STARD9: variants seen among roughly 807,000 people sequenced by gnomAD.
The protein encoded by STARD9 is StAR related lipid transfer domain containing 9.
STARD9 carries 346 observed loss-of-function variants against 399.8 expected under a neutral mutation model. The ratio of observed to expected loss-of-function variants is 0.87; its 90% confidence interval spans 0.79 to 0.95. The LOEUF is 0.95. Ranked by LOEUF, STARD9 falls within the 40% of genes least tolerant of loss-of-function variation. The probability of loss-of-function intolerance (pLI) is 0.00; values close to 1 mark genes in which losing one functional copy is unlikely to be tolerated. For synonymous variants in STARD9, 2,203 were observed against 2,143.5 expected, an observed-to-expected ratio of 1.03 and a Z score of -0.77; for missense variants, 5,832 against 5,667.5, an observed-to-expected ratio of 1.03 and a Z score of -0.93.
At chr15:42,680,930 C>T (rs2060414658) in intron 20 of STARD9, among the ~76,000 whole-genome samples, 1 of 152,154 alleles carries the variant, frequency 6.6e-6, no homozygotes, top group Admixed American at 6.5e-5. Flanking sequence ...CTGCCTTTTG[C>T]TACCAGATCA....
rs2060619502 is a variant in STARD9, at chr15:42,688,719, C to G, written c.7141C>G (p.Gln2381Glu). 6.5e-7 allele frequency: 1 copy of G among 1,537,628 alleles called. No individual in the cohort carries two copies. Among genetic ancestry groups the G allele is most frequent in the Non-Finnish European group, 8.7e-7 (1 of 1,147,038 alleles). The change falls in exon 23 of 33, where the codon CAG becomes GAG. Residue 2381 changes from glutamine to glutamate, a missense_variant. Physicochemically the swap from Gln to Glu is conservative, Grantham distance 29. Around this residue, in one of 2 missense-constraint regions of STARD9, gnomAD observed 5,828 missense variants for 5,651.1 expected, o/e 1.03. Coordinates refer to ENST00000290607, the MANE Select transcript of STARD9 (RefSeq NM_020759.3). ...TCCCTTGGTAACTGGAGTAGAGCAT[C>G]AGGACCAGAGTACGGAGACCAGAAG... Reference protein sequence around the residue: ...NSPLVTGVEHQDQSTETRSHS... With the variant: ...NSPLVTGVEHEDQSTETRSHS...
rs116814420 is a variant in STARD9 at position 42,702,622 on chromosome 15, G to A, written c.13284+6742G>A. 5.7e-3 allele frequency among the ~76,000 whole-genome samples: 869 copies of A among 152,304 alleles called. 11 individuals are homozygous for A. The highest frequency in any genetic ancestry group is 0.02 in the African/African-American group (823 of 41,558). On this transcript the variant is annotated intron_variant, in intron 26 of 32. Transcript: ENST00000290607. ...TTTGTCTGTGTACTTAGTTTTACCA[G>A]TGAGTTTTATACCTTCAGATGTTTG...
chr15:42,601,961 C>T (rs769391315), intron 3 of STARD9, among the ~76,000 whole-genome samples: 3 of 152,216 alleles, frequency 2.0e-5, no homozygotes, highest in Non-Finnish European at 4.4e-5. Flanking sequence ...ATTCTCCTGC[C>T]TCAGCCTTCT....
chr15:42,664,832 C>T (rs1279988425), intron 13 of STARD9, among the ~76,000 whole-genome samples: 3 of 150,574 alleles, frequency 2.0e-5, no homozygotes, highest in South Asian at 2.1e-4. Context: ...ACACCCCATA[C>T]GTACACTGTT....
At chr15:42,634,439 A>G (rs1344698725) in intron 3 of STARD9, among the ~76,000 whole-genome samples, 5 of 152,216 alleles carry the variant, frequency 3.3e-5, no homozygotes, top group African/African-American at 4.8e-5. Context: ...GATCTTCAGT[A>G]TGGTATCCTA....
intron 9 of STARD9, 30 bp from the exon 10 acceptor site, chr15:42,661,128 A>G: frequency 1.3e-6 from 2 of 1,492,294 alleles, no homozygotes. Flanking sequence ...ATCGTTCCAA[A>G]TGACAGGCTT....
At chr15:42,620,307 T>TATGTC (rs1491175337) in intron 3 of STARD9, among the ~76,000 whole-genome samples, 1 of 151,678 alleles carries the variant, frequency 6.6e-6, no homozygotes, top group Non-Finnish European at 1.5e-5. Flanking sequence ...TTTCCGAGAC[T>TATGTC]ATGTCTCTAC....
chr15:42,640,736 G>A (rs1308418208), intron 7 of STARD9, among the ~76,000 whole-genome samples: 2 of 141,406 alleles, frequency 1.4e-5, no homozygotes, highest in African/African-American at 2.6e-5. Context: ...CGGGAGAATC[G>A]CTTGAACCTG....
chr15:42,660,890 C>T (rs2059981250), intron 9 of STARD9, among the ~76,000 whole-genome samples: 1 of 151,508 alleles, frequency 6.6e-6, no homozygotes, highest in African/African-American at 2.4e-5. Flanking sequence ...AAGTTGTGCT[C>T]AGCAAACTTC....
intron 7 of STARD9, among the ~76,000 whole-genome samples, chr15:42,648,086 C>G (rs540052770): frequency 1.3e-5 from 2 of 152,286 alleles, no homozygotes; most frequent in Admixed American, 6.5e-5. Context: ...TACCTTTTAT[C>G]TCTGAGTGCC....
At chr15:42,657,137 G>A (rs1271961698) in intron 9 of STARD9, among the ~76,000 whole-genome samples, 3 of 151,994 alleles carry the variant, frequency 2.0e-5, no homozygotes, top group South Asian at 2.1e-4. Flanking sequence ...TGGATGGATC[G>A]CCTGACGTTA....
At chr15:42,595,572 A>G (rs2058485853) in intron 3 of STARD9, among the ~76,000 whole-genome samples, 1 of 152,218 alleles carries the variant, frequency 6.6e-6, no homozygotes, top group African/African-American at 2.4e-5. Flanking sequence ...TGCCTAAGTT[A>G]AAGAACCACA....
rs937739180 is a variant in STARD9, at chr15:42,687,806, C to T, written c.6228C>T (p.His2076=). The T allele has an allele frequency of 6.5e-7, 1 of 1,537,352 alleles. No homozygotes were observed. The highest frequency in any genetic ancestry group is 8.7e-7 in the Non-Finnish European group (1 of 1,147,002). The change falls in exon 23 of 33, where the codon CAC becomes CAT. Residue 2076 remains histidine, a synonymous_variant. Coordinates refer to ENST00000290607, the MANE Select transcript of STARD9 (RefSeq NM_020759.3). ...SKQNKQVHAS[H]TPGTDKELVF... is the part of the protein sequence containing the mutation. ...AGAATAAGCAGGTTCATGCTTCCCA[C>T]ACACCAGGAACCGATAAGGAGTTGG...
rs1395265454 is a variant in STARD9 at position 42,682,243 on chromosome 15, A to G, written c.2205A>G (p.Pro735=). The G allele has an allele frequency of 2.6e-6, 4 of 1,537,274 alleles. No individual in the cohort carries two copies. Among genetic ancestry groups the G allele is most frequent in the Middle Eastern group, 3.3e-4 (2 of 5,990 alleles). Residue 735 remains proline, a synonymous_variant, in exon 22 of 33, where the codon CCA becomes CCG. Transcript: ENST00000290607. ...TTCAGACAGATCCTGAGATTCAGCC[A>G]TCCCCATTTGTCCAAAGTCAGAAAA... ...AWLQTDPEIQ[P]SPFVQSQKRV...
Position 42,717,053 on chromosome 15 carries a change from G to A in STARD9, c.13494+5G>A. The A allele has an allele frequency of 6.5e-7, 1 of 1,537,152 alleles. No individual in the cohort carries two copies. The highest frequency in any genetic ancestry group is 8.7e-7 in the Non-Finnish European group (1 of 1,146,852). On this transcript the variant is annotated splice_donor_5th_base_variant and intron_variant, in intron 28 of 32. Coordinates refer to ENST00000290607, the MANE Select transcript of STARD9 (RefSeq NM_020759.3). ...GTGGACACTTCTATGGCTGATGTGA[G>A]TAACTGCTCCCACCCATCCCTACCA...
chr15:42,685,092 C>T lies in STARD9; in HGVS notation c.3514C>T (p.Arg1172Cys), dbSNP rs12594837. Residue 1172 changes from arginine to cysteine, a missense_variant, in exon 23 of 33, where the codon CGT (arginine) becomes TGT (cysteine). Transcript: ENST00000290607. ...AGGGGGCAATCGTCCCACCAACAACCGTGGCCAACCCAGGACCAGAACTAG... is the reference window on the plus strand; with the variant it reads ...AGGGGGCAATCGTCCCACCAACAACTGTGGCCAACCCAGGACCAGAACTAG... ...RLGGNRPTNN[R>C]GQPRTRTRAS... 15,162 of 1,537,196 alleles carry T rather than the reference C, an allele frequency of 9.9e-3. 137 individuals are homozygous for T. Among genetic ancestry groups the T allele is most frequent in the East Asian group, 0.051 (2,066 of 40,900 alleles).
At chr15:42,651,382 G>C (rs193284586) in intron 8 of STARD9, among the ~76,000 whole-genome samples, 49 of 152,180 alleles carry the variant, frequency 3.2e-4, no homozygotes, top group Admixed American at 7.2e-4. Context: ...TGGAAGAAAG[G>C]GTTCTTACCT....
intron 26 of STARD9, among the ~76,000 whole-genome samples, chr15:42,714,058 ATTTTTTT>A (rs35057586): frequency 1.7e-5 from 2 of 119,176 alleles, no homozygotes; most frequent in South Asian, 2.9e-4. Flanking sequence ...ATGCACTAAG[ATTTTTTT>A]TTTTTTTTTT....
intron 3 of STARD9, among the ~76,000 whole-genome samples, chr15:42,631,772 ATTATTTATTT>A (rs760499030): frequency 3.3e-5 from 5 of 151,414 alleles, no homozygotes; most frequent in African/African-American, 4.9e-5. Flanking sequence ...GAATTGTTTT[ATTATTTATTT>A]TTATTTATTT....
Sources: allele counts gnomAD v4.1 joint callset (sites outside exome capture counted in the v4.1 genomes callset), GRCh38; gene constraint gnomAD v4.1.1; regional missense constraint gnomAD v4.1.1; transcripts MANE v1.5; gene names NCBI Gene and HGNC (gene_info 2026-07-23, HGNC 2026-07-21).